SYT9: variants seen among roughly 807,000 people sequenced by gnomAD.
The protein encoded by SYT9 is synaptotagmin 9.
SYT9 carries 22 observed loss-of-function variants against 48.4 expected under a neutral mutation model. That is an observed-to-expected ratio of 0.45 (90% CI 0.32 to 0.65). The LOEUF (loss-of-function observed/expected upper bound fraction) is 0.65, where lower values mean the gene tolerates loss of function less well. Among genes scored for constraint, SYT9 ranks in the 30% least tolerant of loss-of-function variants. The pLI, the probability that SYT9 is intolerant of heterozygous loss-of-function variation, is 0.03. For synonymous variants in SYT9, 265 were observed against 245.0 expected, an observed-to-expected ratio of 1.08 and a Z score of -0.76; for missense variants, 577 against 622.0, an observed-to-expected ratio of 0.93 and a Z score of 0.77.
chr11:7,383,037 T>G (rs1283517398), intron 3 of SYT9, among the ~76,000 whole-genome samples: 1 of 152,236 alleles, frequency 6.6e-6, no homozygotes, highest in African/African-American at 2.4e-5. Flanking sequence ...GATCCATCGC[T>G]TAAGAAGGAC....
intron 6 of SYT9, among the ~76,000 whole-genome samples, chr11:7,463,763 A>C (rs1373329188): frequency 6.6e-6 from 1 of 152,120 alleles, no homozygotes; most frequent in African/African-American, 2.4e-5. Flanking sequence ...CAGAAAACTC[A>C]CCCAAGTGAA....
At chr11:7,399,451 T>G (rs760558879) in intron 3 of SYT9, among the ~76,000 whole-genome samples, 2 of 152,142 alleles carry the variant, frequency 1.3e-5, no homozygotes, top group Non-Finnish European at 2.9e-5. Flanking sequence ...CAATGAAAAT[T>G]GAGGGGAATT....
At chr11:7,391,735 T>TAAAAAAAAGAAAA (rs1846615360) in intron 3 of SYT9, among the ~76,000 whole-genome samples, 1 of 35,940 alleles carries the variant, frequency 2.8e-5, no homozygotes, top group Non-Finnish European at 5.0e-5. Flanking sequence ...ACCCCATCTC[T>TAAAAAAAAGAAAA]AAAAAAAAAA....
chr11:7,413,047 G>A (rs1847168586), intron 3 of SYT9, among the ~76,000 whole-genome samples: 2 of 152,184 alleles, frequency 1.3e-5, no homozygotes, highest in Admixed American at 6.5e-5. Context: ...GCTATGATAG[G>A]TAGGAACAAG....
At chr11:7,382,796 A>G (rs1017238733) in intron 3 of SYT9, among the ~76,000 whole-genome samples, 1 of 152,194 alleles carries the variant, frequency 6.6e-6, no homozygotes. Context: ...GTCCTAGGTA[A>G]TTAGACCTGG....
chr11:7,428,996 G>T (rs1372062191), intron 6 of SYT9, among the ~76,000 whole-genome samples: 1 of 152,098 alleles, frequency 6.6e-6, no homozygotes, highest in Non-Finnish European at 1.5e-5. Flanking sequence ...TTAATGGAGG[G>T]TCTGTGTTGG....
At chr11:7,420,847 A>T (rs1172654192) in intron 6 of SYT9, among the ~76,000 whole-genome samples, 1 of 152,100 alleles carries the variant, frequency 6.6e-6, no homozygotes, top group Non-Finnish European at 1.5e-5. Flanking sequence ...TTGATCAGAG[A>T]TCATCCCTCA....
chr11:7,338,610 A>G (rs1477951541), intron 3 of SYT9, among the ~76,000 whole-genome samples: 1 of 152,098 alleles, frequency 6.6e-6, no homozygotes, highest in African/African-American at 2.4e-5. Flanking sequence ...TATTTACCCC[A>G]AAGTCATTCA....
intron 6 of SYT9, among the ~76,000 whole-genome samples, chr11:7,455,334 ATTT>A (rs34629945): frequency 1.5e-4 from 20 of 136,516 alleles, no homozygotes; most frequent in African/African-American, 2.7e-4. Flanking sequence ...TGTTTAAGCT[ATTT>A]TTTTTTTTTT....
intron 3 of SYT9, among the ~76,000 whole-genome samples, chr11:7,357,841 C>T (rs1264960655): frequency 6.6e-6 from 1 of 152,030 alleles, no homozygotes; most frequent in African/African-American, 2.4e-5. Flanking sequence ...AACTGCATTG[C>T]ATTTATATAT....
intron 1 of SYT9, among the ~76,000 whole-genome samples, chr11:7,287,274 A>C (rs1326668996): frequency 6.6e-6 from 1 of 152,026 alleles, no homozygotes; most frequent in Non-Finnish European, 1.5e-5. Flanking sequence ...TCTCTTGAGA[A>C]CTCACTCTCT....
intron 6 of SYT9, among the ~76,000 whole-genome samples, chr11:7,423,235 A>G (rs1008208525): frequency 4.6e-5 from 7 of 152,186 alleles, no homozygotes; most frequent in African/African-American, 1.7e-4. Flanking sequence ...GGGACTCCAG[A>G]TCCATCCTGA....
intron 3 of SYT9, among the ~76,000 whole-genome samples, chr11:7,406,058 A>G (rs901179499): frequency 2.0e-5 from 3 of 152,092 alleles, no homozygotes; most frequent in African/African-American, 7.2e-5. Context: ...AATATTATAG[A>G]TATATATGGG....
At chr11:7,394,491 T>C (rs1317999367) in intron 3 of SYT9, among the ~76,000 whole-genome samples, 3 of 152,186 alleles carry the variant, frequency 2.0e-5, no homozygotes, top group Non-Finnish European at 4.4e-5. Flanking sequence ...ATGGGATGGC[T>C]GGGTCAAATG....
chr11:7,341,686 A>G (rs188453915), intron 3 of SYT9, among the ~76,000 whole-genome samples: 147 of 152,308 alleles, frequency 9.7e-4, no homozygotes, highest in African/African-American at 3.4e-3. Flanking sequence ...AGTTGGTTTT[A>G]TGAAGCAGAG....
At chr11:7,332,372 A>AT (rs1849553259) in intron 3 of SYT9, among the ~76,000 whole-genome samples, 1 of 152,228 alleles carries the variant, frequency 6.6e-6, no homozygotes, top group South Asian at 2.1e-4. Context: ...CCCAAGAAAT[A>AT]TAGAGCCATG....
chr11:7,441,691 CCACAGGAAAACG>C (rs1847832331), intron 6 of SYT9: 1 of 152,156 alleles, frequency 6.6e-6, no homozygotes, highest in South Asian at 2.1e-4. Context: ...ATGAAAGTAG[CCACAGGAAAACG>C]CACTTCTTGT....
At chr11:7,267,115 C>T (rs971091614) in intron 1 of SYT9, among the ~76,000 whole-genome samples, 5 of 151,826 alleles carry the variant, frequency 3.3e-5, no homozygotes, top group African/African-American at 1.2e-4. Flanking sequence ...ACTGTAAAGA[C>T]TTAGAAGTCA....
intron 3 of SYT9, among the ~76,000 whole-genome samples, chr11:7,348,688 C>CTTTTTTTTTGTTTTTTTTTTTTTT (rs1849848383): frequency 2.1e-5 from 1 of 47,098 alleles, no homozygotes; most frequent in Non-Finnish European, 3.9e-5. Context: ...ATCAGACCTC[C>CTTTTTTTTTGTTTTTTTTTTTTTT]TTTTTTTTTT....
Sources: allele counts gnomAD v4.1 joint callset (sites outside exome capture counted in the v4.1 genomes callset), GRCh38; gene constraint gnomAD v4.1.1; transcripts MANE v1.5; gene names NCBI Gene and HGNC (gene_info 2026-07-23, HGNC 2026-07-21).